Variants in BCKDHB observed in about 807,000 individuals in gnomAD.
BCKDHB encodes 2-oxoisovalerate dehydrogenase subunit beta, mitochondrial.
A neutral mutation model predicts 48.5 loss-of-function variants in BCKDHB; 41 were observed. The ratio of observed to expected loss-of-function variants is 0.85; its 90% CI spans 0.66 to 1.10. The LOEUF is 1.10. BCKDHB is among the 50% of genes least tolerant of loss of function. The probability of loss-of-function intolerance (pLI) is 0.00; values close to 1 mark genes in which losing one functional copy is unlikely to be tolerated. For missense variants in BCKDHB, 496 were observed against 494.2 expected (o/e 1.00, Z -0.03); for synonymous variants, 201 against 174.8 (o/e 1.15, Z -1.18).
the BCKDHB span, among the ~76,000 whole-genome samples, chr6:80,464,130 T>A: frequency 1.9e-3 from 282 of 152,160 alleles, 2 homozygotes; most frequent in Non-Finnish European, 2.6e-3. Flanking sequence ...ATCTTTATTA[T>A]TATTATTATT....
At chr6:80,253,445 G>A (rs978967878) in intron 8 of BCKDHB, among the ~76,000 whole-genome samples, 7 of 152,098 alleles carry the variant, frequency 4.6e-5, no homozygotes, top group African/African-American at 1.2e-4. Context: ...ATCATGCGTC[G>A]GGCTTTCTGG....
At chr6:80,394,841 C>G in the BCKDHB span, among the ~76,000 whole-genome samples, 2 of 152,088 alleles carry the variant, frequency 1.3e-5, no homozygotes, top group African/African-American at 4.8e-5. Flanking sequence ...ATGAGAGGGA[C>G]CCAGTGGGAG....
At chr6:80,461,627 T>C in the BCKDHB span, among the ~76,000 whole-genome samples, 1 of 152,214 alleles carries the variant, frequency 6.6e-6, no homozygotes, top group East Asian at 1.9e-4. Flanking sequence ...TCTTTTTATT[T>C]TTTAATCTCT....
chr6:80,397,077 T>G, the BCKDHB span, among the ~76,000 whole-genome samples: 1 of 152,190 alleles, frequency 6.6e-6, no homozygotes, highest in Non-Finnish European at 1.5e-5. Context: ...GTCCTGATTC[T>G]AGAATTTTTT....
intron 6 of BCKDHB, among the ~76,000 whole-genome samples, chr6:80,184,733 T>A (rs773907508): frequency 5.3e-5 from 8 of 152,178 alleles, no homozygotes; most frequent in Non-Finnish European, 1.0e-4. Flanking sequence ...GGCTGATAAT[T>A]ATTTTATTTA....
intron 9 of BCKDHB, among the ~76,000 whole-genome samples, chr6:80,338,379 G>C (rs1382953223): frequency 1.3e-5 from 2 of 152,106 alleles, no homozygotes; most frequent in African/African-American, 4.8e-5. Flanking sequence ...TGCGCGGAGG[G>C]ATTTCCAGCC....
the BCKDHB span, among the ~76,000 whole-genome samples, chr6:80,417,298 C>G: frequency 2.0e-5 from 3 of 152,048 alleles, no homozygotes; most frequent in Non-Finnish European, 2.9e-5. Context: ...GGTTCTTTAT[C>G]TAGCTTGCCA....
intron 1 of BCKDHB, among the ~76,000 whole-genome samples, chr6:80,123,247 G>C (rs1278029090): frequency 6.6e-6 from 1 of 152,116 alleles, no homozygotes; most frequent in Admixed American, 6.6e-5. Flanking sequence ...AATTTGTACA[G>C]TTAACACAAT....
rs533967287 is a variant in BCKDHB at position 80,299,808 on chromosome 6, C to T, written c.1038+26587C>T. Among the ~76,000 whole-genome samples, 4 of 152,250 alleles carry T rather than the reference C, an allele frequency of 2.6e-5. No individual in the cohort carries two copies. In the South Asian group the frequency reaches 8.3e-4, roughly 32 times the overall value. On this transcript the variant is annotated intron_variant, in intron 9 of 9. Coordinates refer to ENST00000320393, the MANE Select transcript of BCKDHB (RefSeq NM_183050.4). Reference sequence around the variant, plus strand: ...TAAATCAACTACACAATCAATTTTACATAACAGATAGCTAACAACATGGGG... The same window carrying T: ...TAAATCAACTACACAATCAATTTTATATAACAGATAGCTAACAACATGGGG...
chr6:80,432,095 A>G, the BCKDHB span, among the ~76,000 whole-genome samples: 2 of 151,852 alleles, frequency 1.3e-5, no homozygotes, highest in Non-Finnish European at 2.9e-5. Context: ...TTTGTGGGTA[A>G]CCTGACCTTT....
chr6:80,339,279 T>C (rs1462994917), intron 9 of BCKDHB, among the ~76,000 whole-genome samples: 1 of 152,222 alleles, frequency 6.6e-6, no homozygotes, highest in Non-Finnish European at 1.5e-5. Flanking sequence ...AAAAGCCCCA[T>C]AAATATATTT....
chr6:80,118,615 G>T (rs923997379), intron 1 of BCKDHB, among the ~76,000 whole-genome samples: 11 of 151,832 alleles, frequency 7.2e-5, no homozygotes, highest in Admixed American at 5.3e-4. Flanking sequence ...CCGTTTGATA[G>T]CATTTTACCA....
At chr6:80,308,343 C>T (rs1767978353) in intron 9 of BCKDHB, among the ~76,000 whole-genome samples, 1 of 151,962 alleles carries the variant, frequency 6.6e-6, no homozygotes, top group Admixed American at 6.6e-5. Context: ...TTAAATATTC[C>T]TCTATTTTTG....
At chr6:80,210,544 G>A (rs143312962) in intron 8 of BCKDHB, among the ~76,000 whole-genome samples, 109 of 152,000 alleles carry the variant, frequency 7.2e-4, no homozygotes, top group African/African-American at 2.6e-3. Flanking sequence ...ACACTCATTT[G>A]GTGCACCTTT....
intron 3 of BCKDHB, among the ~76,000 whole-genome samples, chr6:80,161,381 A>G (rs1281778132): frequency 6.6e-6 from 1 of 152,200 alleles, no homozygotes; most frequent in African/African-American, 2.4e-5. Flanking sequence ...TTGGTTCCAA[A>G]TATCAAATAG....
the BCKDHB span, among the ~76,000 whole-genome samples, chr6:80,446,955 T>A: frequency 6.6e-6 from 1 of 152,072 alleles, no homozygotes; most frequent in Non-Finnish European, 1.5e-5. Flanking sequence ...GACATTAGGC[T>A]AATGCCCTCT....
At chr6:80,385,085 T>C in the BCKDHB span, among the ~76,000 whole-genome samples, 1 of 152,162 alleles carries the variant, frequency 6.6e-6, no homozygotes, top group African/African-American at 2.4e-5. Context: ...TTATACATAA[T>C]ATCTTTGACC....
the BCKDHB span, among the ~76,000 whole-genome samples, chr6:80,425,656 G>A: frequency 2.6e-5 from 4 of 152,168 alleles, no homozygotes; most frequent in Admixed American, 2.6e-4. Flanking sequence ...TGAAACCTAA[G>A]ACATCTGATC....
At chr6:80,298,841 A>AGTCT in intron 9 of BCKDHB, among the ~76,000 whole-genome samples, 1 of 152,286 alleles carries the variant, frequency 6.6e-6, no homozygotes, top group South Asian at 2.1e-4. Context: ...TCAGAAGTTC[A>AGTCT]GTCTGCTGTT....
Sources: gnomAD v4.1 joint callset for allele counts (sites outside exome capture counted in the v4.1 genomes callset) on GRCh38, gnomAD v4.1.1 for gene constraint, MANE v1.5 for transcripts, NCBI Gene and HGNC (gene_info 2026-07-23, HGNC 2026-07-21) for gene names.